The following STAM variants were observed in gnomAD, a reference collection of about 807,000 sequenced individuals.
The protein encoded by STAM is signal transducing adapter molecule 1.
Under a neutral mutation model 63.4 loss-of-function variants are expected in STAM, and 16 were observed. The observed-to-expected ratio is 0.25, with a 90% CI of 0.17 to 0.38. The LOEUF is 0.38. STAM is among the 10% of genes least tolerant of loss of function. The pLI is 1.00. For synonymous variants in STAM, 238 were observed against 223.9 expected (o/e 1.06, Z -0.56); for missense variants, 636 against 657.1 (o/e 0.97, Z 0.35).
intron 2 of STAM, among the ~76,000 whole-genome samples, chr10:17,673,371 G>A (rs1343353734): frequency 6.6e-6 from 1 of 152,126 alleles, no homozygotes; most frequent in Non-Finnish European, 1.5e-5. Context: ...AATATTAGTT[G>A]TACAATAGTG....
chr10:17,647,580 G>C (rs1554821028), intron 1 of STAM, among the ~76,000 whole-genome samples: 1 of 151,932 alleles, frequency 6.6e-6, no homozygotes, highest in East Asian at 1.9e-4. Context: ...ACACTGCTTG[G>C]ATTCAGTCCC....
chr10:17,714,613 GCTA>G lies in STAM; in HGVS notation c.1459_1461del (p.Thr487del). On this transcript the variant is annotated inframe_deletion, in exon 14 of 14. Transcript: ENST00000377524. ...GCCAGTATATAGTCCTCCTCCTGCCGCTACTGCTGCTGCTGCAACTGCCGATGT... is the reference window on the plus strand; with the variant it reads ...GCCAGTATATAGTCCTCCTCCTGCCGCTGCTGCTGCTGCAACTGCCGATGT... 5 of 1,614,080 alleles carry G rather than the reference GCTA, an allele frequency of 3.1e-6. No individual in the cohort carries two copies. The Middle Eastern group carries it at 8.3e-4, about 266-fold the overall frequency.
At chr10:17,655,315 T>C (rs893772494) in intron 1 of STAM, among the ~76,000 whole-genome samples, 7 of 152,316 alleles carry the variant, frequency 4.6e-5, no homozygotes, top group Middle Eastern at 3.4e-3. Context: ...AGATCATGAA[T>C]TGTTTGGATC....
intron 1 of STAM, among the ~76,000 whole-genome samples, chr10:17,660,064 C>G (rs985954088): frequency 6.6e-6 from 1 of 151,814 alleles, no homozygotes; most frequent in Non-Finnish European, 1.5e-5. Flanking sequence ...AAAAAATCCA[C>G]AAAACTAGCT....
chr10:17,690,425 A>C (rs1250996485), intron 5 of STAM, among the ~76,000 whole-genome samples: 1 of 152,216 alleles, frequency 6.6e-6, no homozygotes, highest in Non-Finnish European at 1.5e-5. Context: ...GTAACAGCTA[A>C]TCTTGTCATA....
intron 5 of STAM, among the ~76,000 whole-genome samples, chr10:17,691,011 ATCTG>A (rs1335779817): frequency 6.6e-6 from 1 of 152,256 alleles, no homozygotes; most frequent in African/African-American, 2.4e-5. Context: ...AAAAGTTCAA[ATCTG>A]TCTAATTGTG....
intron 1 of STAM, among the ~76,000 whole-genome samples, chr10:17,659,303 C>T (rs1167817721): frequency 6.6e-6 from 1 of 151,694 alleles, no homozygotes; most frequent in African/African-American, 2.4e-5. Flanking sequence ...TGGAAGCATA[C>T]ATAAGAATAT....
Position 17,645,014 on chromosome 10 carries a change from G to T in STAM, c.40+635G>T, listed in dbSNP as rs1327991781. Among the ~76,000 whole-genome samples the T allele has an allele frequency of 2.6e-5, 4 of 152,240 alleles. No homozygotes were observed. In the East Asian group the frequency reaches 7.7e-4, roughly 29 times the overall value. On this transcript the variant is annotated intron_variant, in intron 1 of 13. Coordinates refer to ENST00000377524, the MANE Select transcript of STAM (RefSeq NM_003473.4). Reference sequence around the variant, plus strand: ...TTAAAAGGTGTAAAGAAGTGTGGAAGAAGTTGTTGAATCTGGAAAGAGTTT... The same window carrying T: ...TTAAAAGGTGTAAAGAAGTGTGGAATAAGTTGTTGAATCTGGAAAGAGTTT...
chr10:17,704,514 T>G lies in STAM; in HGVS notation c.996T>G (p.Leu332=). 1 of 1,613,946 alleles carries G rather than the reference T, an allele frequency of 6.2e-7. No homozygotes were observed. The highest frequency in any genetic ancestry group is 8.5e-7 in the Non-Finnish European group (1 of 1,179,838). Residue 332 remains leucine, a synonymous_variant, in exon 10 of 14, where the codon CTT becomes CTG. Transcript: ENST00000377524. ...DQPDLPELLH[L]EAMCHQMGPL... is the part of the protein sequence containing the mutation. ...CAGACCTACCAGAGCTGCTTCATCT[T>G]GAAGGTAAAACTTTTCTATTTACCT...
Position 17,649,238 on chromosome 10 carries a change from T to G in STAM, c.40+4859T>G, listed in dbSNP as rs1833642357. Among the ~76,000 whole-genome samples, 3 of 152,222 alleles carry G rather than the reference T, an allele frequency of 2.0e-5. No individual in the cohort carries two copies. The South Asian group carries it at 6.2e-4, about 32-fold the overall frequency. On this transcript the variant is annotated intron_variant, in intron 1 of 13. Transcript: ENST00000377524. ...GGGCAACATAATGAGACCCTGTCTC[T>G]ACAAACAATAAAAAAGTTAGCTGGC...
intron 2 of STAM, among the ~76,000 whole-genome samples, chr10:17,671,451 T>C (rs534086859): frequency 3.5e-4 from 53 of 152,234 alleles, no homozygotes; most frequent in Non-Finnish European, 6.0e-4. Context: ...CATCTCCTCT[T>C]TTACAGATGA....
At chr10:17,661,674 G>T (rs557861584) in intron 2 of STAM, among the ~76,000 whole-genome samples, 2 of 152,132 alleles carry the variant, frequency 1.3e-5, no homozygotes, top group South Asian at 4.1e-4. Flanking sequence ...TTCTTTCATT[G>T]CACTAAAACT....
intron 2 of STAM, among the ~76,000 whole-genome samples, chr10:17,683,464 T>C (rs2131629485): frequency 6.6e-6 from 1 of 152,252 alleles, no homozygotes; most frequent in East Asian, 1.9e-4. Flanking sequence ...ACCCAAGCTA[T>C]TTTATTTTCA....
intron 5 of STAM, among the ~76,000 whole-genome samples, chr10:17,692,869 C>T (rs1835600528): frequency 1.3e-5 from 2 of 151,934 alleles, no homozygotes; most frequent in South Asian, 4.2e-4. Flanking sequence ...AAGTAGTCAT[C>T]TCTTTCTGTC....
At chr10:17,655,388 T>C (rs1833897698) in intron 1 of STAM, among the ~76,000 whole-genome samples, 2 of 152,208 alleles carry the variant, frequency 1.3e-5, no homozygotes, top group Admixed American at 1.3e-4. Context: ...CTATCTTCTA[T>C]GTTAGAAGAT....
In STAM at chr10:17,715,680, T is replaced by C. The variant is rs1554830818; in HGVS notation, c.*900T>C. On this transcript the variant is annotated 3_prime_UTR_variant, in exon 14 of 14. Coordinates refer to ENST00000377524, the MANE Select transcript of STAM (RefSeq NM_003473.4). ...GTAATTAGGTTTCTAAGCTGTATAC[T>C]GTGTTTATTGGTGGCAGTGACACCA... 2 of 152,620 alleles carry C rather than the reference T, an allele frequency of 1.3e-5. No homozygotes were observed. Among genetic ancestry groups the C allele is most frequent in the African/African-American group, 4.8e-5 (2 of 41,458 alleles). The allele number at this position is 152,620 out of a possible 1,614,324, so 9.5% of individuals were successfully genotyped here. A position where few individuals can be genotyped will look rare whatever the true frequency, so the allele number is the denominator to read the frequency against.
At chr10:17,655,052 A>G (rs4747317) in intron 1 of STAM, among the ~76,000 whole-genome samples, 16,429 of 152,154 alleles carry the variant, frequency 0.11, 937 homozygotes, top group Middle Eastern at 0.16. Flanking sequence ...CTTATTTTCT[A>G]AATACATCGG....
At chr10:17,661,367 T>G (rs1182779063) in intron 2 of STAM, among the ~76,000 whole-genome samples, 1 of 152,356 alleles carries the variant, frequency 6.6e-6, no homozygotes, top group African/African-American at 2.4e-5. Flanking sequence ...TGCCAGTGTC[T>G]TCTTTGCCTC....
At chr10:17,677,616 T>A (rs1230554994) in intron 2 of STAM, among the ~76,000 whole-genome samples, 2 of 152,360 alleles carry the variant, frequency 1.3e-5, no homozygotes, top group African/African-American at 4.8e-5. Flanking sequence ...ATTTCTTCAG[T>A]CTAATGATGC....
Sources: allele counts gnomAD v4.1 joint callset (sites outside exome capture counted in the v4.1 genomes callset), GRCh38; gene constraint gnomAD v4.1.1; transcripts MANE v1.5; gene names NCBI Gene and HGNC (gene_info 2026-07-23, HGNC 2026-07-21).